The following ATRN variants were observed in gnomAD, a reference collection of about 807,000 sequenced individuals.
ATRN encodes attractin-2.
A neutral mutation model predicts 178.7 loss-of-function variants in ATRN; 54 were observed. The observed-to-expected ratio is 0.30, with a 90% CI of 0.24 to 0.38. The LOEUF (loss-of-function observed/expected upper bound fraction) is 0.38. ATRN is among the 10% of genes least tolerant of loss of function. The pLI is 1.00. For synonymous variants in ATRN, 636 were observed against 663.0 expected, an observed-to-expected ratio of 0.96 and a Z score of 0.63; for missense variants, 1,443 against 1,815.1, an observed-to-expected ratio of 0.79 and a Z score of 3.73.
In ATRN at chr20:3,604,221, T is replaced by C. The variant is rs1328146149; in HGVS notation, c.3760T>C (p.Phe1254Leu). Residue 1254 changes from phenylalanine to leucine, a missense_variant, in exon 24 of 29, where the codon TTT becomes CTT. This residue lies in a region of ATRN where 289 missense variants were observed against 440.8 expected (regional missense o/e 0.66). Transcript: ENST00000262919. ...DFRNHPNITF[F>L]VYVSNFTWPI... ...TCGCAACCACCCAAATATCACTTTC[T>C]TTGTTTATGTCAGTAATTTCACCTG... is the stretch of plus-strand genomic sequence containing the variant. 6.2e-7 allele frequency: 1 copy of C among 1,612,548 alleles called. No homozygotes were observed. Among genetic ancestry groups the C allele is most frequent in the Non-Finnish European group, 8.5e-7 (1 of 1,179,590 alleles).
At chr20:3,569,929 G>T (rs935342182) in intron 11 of ATRN, among the ~76,000 whole-genome samples, 4 of 152,066 alleles carry the variant, frequency 2.6e-5, no homozygotes, top group African/African-American at 9.7e-5. Flanking sequence ...AAATTAGCTG[G>T]TCATGGTGGT....
chr20:3,599,064 TAAG>T (rs1205062914), intron 22 of ATRN, among the ~76,000 whole-genome samples: 2 of 152,104 alleles, frequency 1.3e-5, no homozygotes, highest in African/African-American at 4.8e-5. Flanking sequence ...AAGATAAAAT[TAAG>T]AAAAAATGTA....
At chr20:3,642,749 G>A (rs1283359334) in intron 27 of ATRN, among the ~76,000 whole-genome samples, 2 of 152,140 alleles carry the variant, frequency 1.3e-5, no homozygotes, top group African/African-American at 4.8e-5. Flanking sequence ...GAATTCTAAA[G>A]GTGGCCCTCA....
At chr20:3,620,140 A>G (rs771502819) in intron 24 of ATRN, among the ~76,000 whole-genome samples, 1 of 151,774 alleles carries the variant, frequency 6.6e-6, no homozygotes, top group Non-Finnish European at 1.5e-5. Context: ...TAACCTTCCA[A>G]TTAAAGGCGA....
intron 10 of ATRN, among the ~76,000 whole-genome samples, chr20:3,564,974 A>C (rs1600111017): frequency 6.6e-6 from 1 of 152,180 alleles, no homozygotes; most frequent in Non-Finnish European, 1.5e-5. Flanking sequence ...ATGAGGCAGG[A>C]GAATGGCGTG....
rs1250684046 is a variant in ATRN at position 3,644,188 on chromosome 20, T to G, written c.4085T>G (p.Phe1362Cys). ...VPKPIALEPCFGNKAAVLSVF... is the reference protein window; with the variant it reads ...VPKPIALEPCCGNKAAVLSVF... ...AAACCCATTGCACTGGAGCCGTGTT[T>G]TGGCAACAAAGCCGCTGTCCTCTCT... Residue 1362 changes from phenylalanine to cysteine, a missense_variant, in exon 28 of 29, where the codon TTT becomes TGT. Phe to Cys is a radical substitution (Grantham distance 205). Transcript: ENST00000262919. 1 of 1,614,106 alleles carries G rather than the reference T, an allele frequency of 6.2e-7. No homozygotes were observed. Among genetic ancestry groups the G allele is most frequent in the African/African-American group, 1.3e-5 (1 of 74,946 alleles).
At chr20:3,562,700 A>G (rs1183002854) in intron 9 of ATRN, among the ~76,000 whole-genome samples, 1 of 152,208 alleles carries the variant, frequency 6.6e-6, no homozygotes, top group African/African-American at 2.4e-5. Context: ...AACAAATGTA[A>G]AGCAAATTTG....
chr20:3,594,608 C>A, intron 20 of ATRN, 36 bp downstream of exon 20: 1 of 1,554,968 alleles, frequency 6.4e-7, no homozygotes, highest in Non-Finnish European at 8.8e-7. Flanking sequence ...CAGGGAGGAC[C>A]AAGAGGCTGT....
chr20:3,513,808 C>T (rs375989401), intron 1 of ATRN, among the ~76,000 whole-genome samples: 4 of 152,286 alleles, frequency 2.6e-5, no homozygotes, highest in East Asian at 3.9e-4. Context: ...AGGTCCTTCA[C>T]GTCCCTTGTA....
At chr20:3,482,053 C>G (rs562022843) in intron 1 of ATRN, among the ~76,000 whole-genome samples, 1 of 150,764 alleles carries the variant, frequency 6.6e-6, no homozygotes, top group Non-Finnish European at 1.5e-5. Flanking sequence ...TATGGACTCC[C>G]GTAGGAATTA....
Position 3,547,330 on chromosome 20 carries a change from A to G in ATRN, c.784A>G (p.Ile262Val). 6.2e-7 allele frequency: 1 copy of G among 1,614,176 alleles called. No individual in the cohort carries two copies. Among genetic ancestry groups the G allele is most frequent in the Non-Finnish European group, 8.5e-7 (1 of 1,180,014 alleles). ...CTGCTCAGGCCGAGGAGAGTGTAAG[A>G]TCAGTAATAGCAGCGATACTGTTGA... Reference protein sequence around the residue: ...NNCSGRGECKISNSSDTVECE... With the variant: ...NNCSGRGECKVSNSSDTVECE... The change falls in exon 5 of 29, where the codon ATC (isoleucine) becomes GTC (valine). Residue 262 changes from isoleucine to valine, a missense_variant. Physicochemically the swap from Ile to Val is conservative, Grantham distance 29. Coordinates refer to ENST00000262919, the MANE Select transcript of ATRN (RefSeq NM_139321.3).
intron 1 of ATRN, among the ~76,000 whole-genome samples, chr20:3,494,042 A>C (rs896953282): frequency 6.6e-6 from 1 of 152,206 alleles, no homozygotes; most frequent in Non-Finnish European, 1.5e-5. Flanking sequence ...GTAATAATCA[A>C]ACCACATGAT....
chr20:3,572,674 G>A lies in ATRN; in HGVS notation c.1872-57G>A, dbSNP rs2086142811. Reference sequence around the variant, plus strand: ...TCTTAAAAAAAAAAAAAAAAGTATAGCATCCAATTGTTATCTGAGTCTCTA... The same window carrying A: ...TCTTAAAAAAAAAAAAAAAAGTATAACATCCAATTGTTATCTGAGTCTCTA... On this transcript the variant is annotated intron_variant, in intron 11 of 28. Transcript: ENST00000262919. The A allele has an allele frequency of 8.5e-6, 12 of 1,408,830 alleles. No homozygotes were observed. In the East Asian group the frequency reaches 2.5e-4, roughly 30 times the overall value. 87.3% of individuals were successfully genotyped at this position (1,408,830 alleles called of 1,614,324 possible). A position where few individuals can be genotyped will look rare whatever the true frequency, so the allele number is the denominator to read the frequency against.
intron 1 of ATRN, among the ~76,000 whole-genome samples, chr20:3,486,629 G>A (rs1183462124): frequency 2.0e-5 from 3 of 152,016 alleles, no homozygotes; most frequent in Non-Finnish European, 2.9e-5. Context: ...TAATCTGTCC[G>A]CCTTGGCCTC....
chr20:3,580,281 G>A (rs6051958), intron 15 of ATRN, among the ~76,000 whole-genome samples: 1 of 152,142 alleles, frequency 6.6e-6, no homozygotes, highest in Admixed American at 6.5e-5. Context: ...GAAGTTAAAA[G>A]GGTTCAACCA....
chr20:3,549,528 T>C (rs1237577164), intron 6 of ATRN, among the ~76,000 whole-genome samples, 190 bp downstream of exon 6: 1 of 152,228 alleles, frequency 6.6e-6, no homozygotes, highest in Non-Finnish European at 1.5e-5. Context: ...TACAAAAAAT[T>C]CATTGTCATG....
At chr20:3,505,274 C>G (rs1034880629) in intron 1 of ATRN, among the ~76,000 whole-genome samples, 1 of 152,202 alleles carries the variant, frequency 6.6e-6, no homozygotes, top group East Asian at 1.9e-4. Context: ...GAAATCGGAA[C>G]TCCAGGCTCT....
At chr20:3,520,623 T>C (rs963849867) in intron 1 of ATRN, among the ~76,000 whole-genome samples, 3 of 151,964 alleles carry the variant, frequency 2.0e-5, no homozygotes, top group Admixed American at 1.3e-4. Flanking sequence ...GACTCAAGAG[T>C]ACTTGGGATT....
intron 26 of ATRN, among the ~76,000 whole-genome samples, chr20:3,635,568 G>GT (rs1027961589): frequency 1.9e-4 from 29 of 152,042 alleles, no homozygotes; most frequent in African/African-American, 6.3e-4. Context: ...GCTGTCTGGG[G>GT]TTTTTTTGGA....
Sources: allele counts gnomAD v4.1 joint callset (sites outside exome capture counted in the v4.1 genomes callset), GRCh38; gene constraint gnomAD v4.1.1; regional missense constraint gnomAD v4.1.1; transcripts MANE v1.5; gene names NCBI Gene and HGNC (gene_info 2026-07-23, HGNC 2026-07-21).